The following PTPRN2 variants were observed in gnomAD, a reference collection of about 807,000 sequenced individuals.
PTPRN2 encodes the protein protein tyrosine phosphatase receptor type N2.
In PTPRN2, 74 loss-of-function variants were observed where a neutral mutation model predicts 118.8. The observed-to-expected ratio is 0.62, with a 90% CI of 0.52 to 0.76. The LOEUF (loss-of-function observed/expected upper bound fraction) is 0.76. Among genes scored for constraint, PTPRN2 ranks in the 30% least tolerant of loss-of-function variants. The pLI is 0.00. For missense variants in PTPRN2, 1,481 were observed against 1,394.4 expected (o/e 1.06, Z -0.99); for synonymous variants, 641 against 608.0 (o/e 1.05, Z -0.80).
At chr7:157,923,325 G>A (rs1798791665) in intron 11 of PTPRN2, among the ~76,000 whole-genome samples, 1 of 152,142 alleles carries the variant, frequency 6.6e-6, no homozygotes, top group African/African-American at 2.4e-5. Context: ...ACAACAGGTG[G>A]GTGTGTTCTG....
At chr7:157,797,640 G>A (rs1197787496) in intron 12 of PTPRN2, among the ~76,000 whole-genome samples, 7 of 152,198 alleles carry the variant, frequency 4.6e-5, no homozygotes, top group African/African-American at 1.4e-4. Context: ...GGCAGGGCCT[G>A]GCCAGAGAGC....
At chr7:157,948,612 A>G (rs1398105060) in intron 11 of PTPRN2, among the ~76,000 whole-genome samples, 1 of 152,238 alleles carries the variant, frequency 6.6e-6, no homozygotes. Context: ...AACAGAAATT[A>G]CTGTAAATGA....
rs532169120 is a variant in PTPRN2 at position 157,816,631 on chromosome 7, G to C, written c.1788+82042C>G. Among the ~76,000 whole-genome samples the C allele has an allele frequency of 4.2e-3, 641 of 152,342 alleles. 1 individual carries two copies. The highest frequency in any genetic ancestry group is 7.0e-3 in the Non-Finnish European group (477 of 68,040). On this transcript the variant is annotated intron_variant, in intron 12 of 22. Coordinates refer to ENST00000389418, the MANE Select transcript of PTPRN2 (RefSeq NM_002847.5). ...GAGGGGCCCGGGGGCAGGCACTGAA[G>C]CCCCCGCAGTCTACAGGCCTCTGGC...
chr7:157,884,317 G>A (rs1273262383), intron 12 of PTPRN2, among the ~76,000 whole-genome samples: 1 of 152,192 alleles, frequency 6.6e-6, no homozygotes, highest in Non-Finnish European at 1.5e-5. Flanking sequence ...TGAAGATATA[G>A]GAGAAGCTCT....
rs555370689 is a variant in PTPRN2 at position 158,374,926 on chromosome 7, A to G, written c.164-57994T>C. Reference sequence around the variant, plus strand: ...TACTTCAAGTCTACAGATTTCTACTATATGTAACATTTAACTGGGAAAATG... The same window carrying G: ...TACTTCAAGTCTACAGATTTCTACTGTATGTAACATTTAACTGGGAAAATG... On this transcript the variant is annotated intron_variant, in intron 2 of 22. Coordinates refer to ENST00000389418, the MANE Select transcript of PTPRN2 (RefSeq NM_002847.5). Among the ~76,000 whole-genome samples, 15 of 152,352 alleles carry G rather than the reference A, an allele frequency of 9.8e-5. No individual in the cohort carries two copies. The South Asian group carries it at 1.9e-3, about 19-fold the overall frequency.
At chr7:158,140,332 G>T (rs78353064) in intron 6 of PTPRN2, among the ~76,000 whole-genome samples, 3 of 152,188 alleles carry the variant, frequency 2.0e-5, no homozygotes, top group Non-Finnish European at 4.4e-5. Flanking sequence ...GACATCTTCC[G>T]TATTACCCAG....
chr7:158,486,229 C>T (rs913987075), intron 2 of PTPRN2, among the ~76,000 whole-genome samples: 4 of 152,248 alleles, frequency 2.6e-5, no homozygotes, highest in Non-Finnish European at 5.9e-5. Context: ...GCGTCCATCA[C>T]GATCACGTCA....
At chr7:157,656,605 C>A in intron 13 of PTPRN2, 54 bp from the exon 14 acceptor site, 1 of 1,439,372 alleles carries the variant, frequency 6.9e-7, no homozygotes, top group South Asian at 1.3e-5. Context: ...GGACACCCAG[C>A]AGGACGAGGG....
intron 1 of PTPRN2, among the ~76,000 whole-genome samples, chr7:158,547,946 G>A (rs1232509434): frequency 1.3e-5 from 2 of 152,198 alleles, no homozygotes; most frequent in Non-Finnish European, 2.9e-5. Flanking sequence ...TCCCAGGCAC[G>A]ACCTTGCCCA....
Position 158,119,614 on chromosome 7 carries a change from G to GGAGA in PTPRN2, c.1557-8703_1557-8700dup, listed in dbSNP as rs56827191. Among the ~76,000 whole-genome samples, 516 of 147,180 alleles carry GGAGA rather than the reference G, an allele frequency of 3.5e-3. 2 individuals are homozygous for GGAGA. Among genetic ancestry groups the GGAGA allele is most frequent in the African/African-American group, 0.013 (502 of 39,184 alleles). ...CAGTACAAGAAGATATTTGAAAGAGGGAGAGAGAGAGAGAGAGAGACACCA... is the reference window on the plus strand; with the variant it reads ...CAGTACAAGAAGATATTTGAAAGAGGGAGAGAGAGAGAGAGAGAGAGAGACACCA... On this transcript the variant is annotated intron_variant, in intron 9 of 22. Transcript: ENST00000389418.
At chr7:157,720,509 C>T (rs905205320) in intron 12 of PTPRN2, among the ~76,000 whole-genome samples, 7 of 152,238 alleles carry the variant, frequency 4.6e-5, no homozygotes, top group South Asian at 2.1e-4. Flanking sequence ...GGTGATCCAG[C>T]GGCCGACCCT....
intron 1 of PTPRN2, among the ~76,000 whole-genome samples, chr7:158,550,847 T>C (rs1015806466): frequency 6.6e-6 from 1 of 152,190 alleles, no homozygotes; most frequent in African/African-American, 2.4e-5. Flanking sequence ...TGGGGAGATG[T>C]CGTGAAGCTT....
intron 2 of PTPRN2, among the ~76,000 whole-genome samples, chr7:158,399,373 C>T (rs1159804741): frequency 1.3e-5 from 2 of 152,192 alleles, no homozygotes; most frequent in African/African-American, 4.8e-5. Flanking sequence ...TGTAGTTGGC[C>T]AGGTGTGGTA....
At chr7:157,571,571 C>G in intron 19 of PTPRN2, 78 bp from the exon 20 acceptor site, 1 of 1,095,268 alleles carries the variant, frequency 9.1e-7, no homozygotes, top group Non-Finnish European at 1.4e-6. Context: ...TAAAACAAAG[C>G]GCAAGGTCTG....
At chr7:157,725,516 G>T (rs374193375) in intron 12 of PTPRN2, among the ~76,000 whole-genome samples, 48 of 54,696 alleles carry the variant, frequency 8.8e-4, no homozygotes, top group Admixed American at 1.6e-3. Context: ...CGCAGAGGAC[G>T]GCGGCCAGAC....
intron 19 of PTPRN2, among the ~76,000 whole-genome samples, chr7:157,572,104 T>C (rs1003666405): frequency 2.6e-5 from 4 of 152,190 alleles, no homozygotes; most frequent in African/African-American, 9.7e-5. Context: ...TCAGAAGTTG[T>C]AAAAATTAGA....
At chr7:158,488,934 C>T (rs1399075572) in intron 2 of PTPRN2, among the ~76,000 whole-genome samples, 3 of 152,258 alleles carry the variant, frequency 2.0e-5, no homozygotes, top group African/African-American at 7.2e-5. Context: ...TCAGAGCGCA[C>T]AGCGCCCAGT....
At chr7:158,062,888 C>A (rs1435056015) in intron 11 of PTPRN2, among the ~76,000 whole-genome samples, 1 of 152,210 alleles carries the variant, frequency 6.6e-6, no homozygotes, top group Non-Finnish European at 1.5e-5. Flanking sequence ...CTGAGCCTCC[C>A]CGACAAGCGC....
chr7:158,486,959 A>G (rs2335164), intron 2 of PTPRN2, among the ~76,000 whole-genome samples: 29,062 of 152,038 alleles, frequency 0.19, 3,245 homozygotes, highest in East Asian at 0.41. Context: ...CCCTGGCCCC[A>G]TCACTCTACC....
Sources: allele counts gnomAD v4.1 joint callset (sites outside exome capture counted in the v4.1 genomes callset), GRCh38; gene constraint gnomAD v4.1.1; transcripts MANE v1.5; gene names NCBI Gene and HGNC (gene_info 2026-07-23, HGNC 2026-07-21).